SASH1: variants seen among roughly 807,000 people sequenced by gnomAD.
The protein encoded by SASH1 is SAM and SH3 domain containing 1, also known as SAM and SH3 domain-containing protein 1.
In SASH1, 44 loss-of-function variants were observed where a neutral mutation model predicts 125.2. The ratio of observed to expected loss-of-function variants is 0.35; its 90% CI spans 0.28 to 0.45. The LOEUF (loss-of-function observed/expected upper bound fraction) is 0.45. Ranked by LOEUF, SASH1 falls within the 20% of genes least tolerant of loss-of-function variation. SASH1 has a pLI of 1.00. For missense variants in SASH1, 1,426 were observed against 1,614.5 expected (o/e 0.88, Z 2.00); for synonymous variants, 639 against 649.1 (o/e 0.98, Z 0.24).
chr6:148,270,863 A>G (rs7752482), upstream of SASH1, among the ~76,000 whole-genome samples: 27,364 of 151,176 alleles, frequency 0.18, 2,741 homozygotes, highest in East Asian at 0.35. Flanking sequence ...AAATCTAGGG[A>G]CAGGTCTTTG....
intron 1 of SASH1, among the ~76,000 whole-genome samples, chr6:148,332,060 T>G (rs914266503): frequency 6.6e-5 from 10 of 152,192 alleles, no homozygotes; most frequent in African/African-American, 2.2e-4. Flanking sequence ...TGTTCTGCTG[T>G]CTGCACTTTG....
chr6:148,355,836 C>T (rs1268709536), intron 1 of SASH1, among the ~76,000 whole-genome samples: 1 of 152,092 alleles, frequency 6.6e-6, no homozygotes, highest in Non-Finnish European at 1.5e-5. Context: ...TTTACATATG[C>T]TGATTGGTTT....
chr6:148,452,067 C>T (rs1164553625), intron 4 of SASH1, among the ~76,000 whole-genome samples: 2 of 152,210 alleles, frequency 1.3e-5, no homozygotes, highest in Admixed American at 6.5e-5. Context: ...AGCATCTTCT[C>T]GGTCCCCATG....
At chr6:148,400,415 C>G (rs1784125409) in intron 2 of SASH1, among the ~76,000 whole-genome samples, 1 of 152,242 alleles carries the variant, frequency 6.6e-6, no homozygotes, top group Non-Finnish European at 1.5e-5. Flanking sequence ...ACTGATCTCT[C>G]ACCACAGCTC....
At chr6:148,322,177 T>C (rs977887503) in intron 1 of SASH1, among the ~76,000 whole-genome samples, 1 of 151,688 alleles carries the variant, frequency 6.6e-6, no homozygotes, top group African/African-American at 2.4e-5. Context: ...ATGGTGAAAC[T>C]CCATCTCTAC....
chr6:148,244,938 G>GTA, the SASH1 span, among the ~76,000 whole-genome samples: 4 of 119,692 alleles, frequency 3.3e-5, no homozygotes, highest in Non-Finnish European at 7.8e-5. Flanking sequence ...GTGTATGTGT[G>GTA]TGTGTGTGTG....
upstream of SASH1, among the ~76,000 whole-genome samples, chr6:148,267,365 T>TTGTGTGTGTGTG (rs200228547): frequency 0.062 from 8,012 of 129,956 alleles, 566 homozygotes; most frequent in African/African-American, 0.14. Context: ...CAGTACTACT[T>TTGTGTGTGTGTG]TGTGTGTGTG....
intron 1 of SASH1, among the ~76,000 whole-genome samples, chr6:148,356,830 C>T (rs1463599937): frequency 6.6e-6 from 1 of 152,148 alleles, no homozygotes; most frequent in Non-Finnish European, 1.5e-5. Context: ...AAGTGTTTTC[C>T]CTTTTCACCA....
chr6:148,452,775 C>G (rs1777162826), intron 4 of SASH1, among the ~76,000 whole-genome samples: 2 of 152,154 alleles, frequency 1.3e-5, no homozygotes, highest in South Asian at 4.1e-4. Context: ...TCTTCTCAGG[C>G]TCATTAGACG....
intron 4 of SASH1, among the ~76,000 whole-genome samples, chr6:148,442,866 TG>T (rs1776603932): frequency 6.6e-6 from 1 of 151,968 alleles, no homozygotes; most frequent in African/African-American, 2.4e-5. Flanking sequence ...CTCCACCTCT[TG>T]GGTTCAAGCT....
At chr6:148,291,555 G>A (rs1009137664) in intron 1 of SASH1, among the ~76,000 whole-genome samples, 2 of 152,010 alleles carry the variant, frequency 1.3e-5, no homozygotes, top group Non-Finnish European at 2.9e-5. Flanking sequence ...TGGTGACATG[G>A]CGCCTATAGT....
At chr6:148,438,409 A>C (rs940543261) in intron 2 of SASH1, among the ~76,000 whole-genome samples, 3 of 152,192 alleles carry the variant, frequency 2.0e-5, no homozygotes, top group Admixed American at 6.5e-5. Flanking sequence ...CCTACCATTC[A>C]CATTTGGAAT....
chr6:148,393,222 T>C (rs1336758199), intron 2 of SASH1, among the ~76,000 whole-genome samples: 1 of 16,284 alleles, frequency 6.1e-5, no homozygotes, highest in Non-Finnish European at 1.2e-4. Context: ...AATTTTGTAT[T>C]TTTTTTTTTT....
the SASH1 span, among the ~76,000 whole-genome samples, chr6:148,196,655 A>G: frequency 6.6e-6 from 1 of 152,242 alleles, no homozygotes. Context: ...TCTATGGAGA[A>G]TACAGAGGAA....
In SASH1 at chr6:148,399,371, G is replaced by T. The variant is rs572897418; in HGVS notation, c.285+9109G>T. Among the ~76,000 whole-genome samples, 5 of 151,864 alleles carry T rather than the reference G, an allele frequency of 3.3e-5. 1 individual carries two copies. Among genetic ancestry groups the T allele is most frequent in the South Asian group, 2.1e-4 (1 of 4,812 alleles). The stretch of plus-strand genomic sequence containing the variant: ...TTCTCAAGTAGTTGGGATTGCAGGT[G>T]CCCGCCACCACACCCAGCTAATTTT... On this transcript the variant is annotated intron_variant, in intron 2 of 19. Coordinates refer to ENST00000367467, the MANE Select transcript of SASH1 (RefSeq NM_015278.5).
chr6:148,230,756 G>A, the SASH1 span, among the ~76,000 whole-genome samples: 1 of 152,010 alleles, frequency 6.6e-6, no homozygotes, highest in Non-Finnish European at 1.5e-5. Flanking sequence ...TTTCCCTAAT[G>A]CACTTTGTCC....
Position 148,552,000 on chromosome 6 carries a change from T to A in SASH1, c.*3442T>A, listed in dbSNP as rs1298600719. On this transcript the variant is annotated 3_prime_UTR_variant, in exon 20 of 20. Transcript: ENST00000367467. ...GTATCAAAACTTGTCTATAATTATG[T>A]CATCTATGTACCTAGAAAAAAGTAA... The A allele has an allele frequency of 6.6e-6, 1 of 152,658 alleles. No homozygotes were observed. The highest frequency in any genetic ancestry group is 2.4e-5 in the African/African-American group (1 of 41,456). The allele number at this position is 152,658 out of a possible 1,614,324, so 9.5% of individuals were successfully genotyped here. A position where few individuals can be genotyped will look rare whatever the true frequency, so the allele number is the denominator to read the frequency against.
At chr6:148,397,262 C>T (rs555059738) in intron 2 of SASH1, among the ~76,000 whole-genome samples, 2 of 152,164 alleles carry the variant, frequency 1.3e-5, no homozygotes, top group African/African-American at 4.8e-5. Context: ...ACGTGGATCA[C>T]CTGAGGTCAG....
intron 1 of SASH1, among the ~76,000 whole-genome samples, chr6:148,295,659 T>G (rs559693871): frequency 1.7e-4 from 26 of 152,294 alleles, no homozygotes; most frequent in African/African-American, 6.3e-4. Flanking sequence ...TACATTCAGT[T>G]TAAGCTGATG....
Sources: gnomAD v4.1 joint callset for allele counts (sites outside exome capture counted in the v4.1 genomes callset) on GRCh38, gnomAD v4.1.1 for gene constraint, MANE v1.5 for transcripts, NCBI Gene and HGNC (gene_info 2026-07-23, HGNC 2026-07-21) for gene names.